UBA6: variants seen among roughly 807,000 people sequenced by gnomAD.
UBA6 encodes ubiquitin-like modifier-activating enzyme 6.
UBA6 carries 87 observed loss-of-function variants against 148.3 expected under a neutral mutation model. The observed-to-expected ratio is 0.59, with a 90% CI of 0.49 to 0.70. The LOEUF (loss-of-function observed/expected upper bound fraction) is 0.70. UBA6 is among the 30% of genes least tolerant of loss of function. The pLI, the probability that UBA6 is intolerant of heterozygous loss-of-function variation, is 0.00. For missense variants in UBA6, 1,186 were observed against 1,241.2 expected, an observed-to-expected ratio of 0.96 and a Z score of 0.67; for synonymous variants, 376 against 401.0, an observed-to-expected ratio of 0.94 and a Z score of 0.75.
intron 20 of UBA6, 63 bp from the exon 21 acceptor site, chr4:67,634,581 A>G (rs940390433): frequency 1.1e-5 from 14 of 1,248,086 alleles, no homozygotes; most frequent in Admixed American, 5.2e-5. Flanking sequence ...TTATTGATTT[A>G]ATCTAGTTTT....
At position 67,663,231 on chromosome 4, in the gene UBA6, A is replaced by G; in HGVS notation, c.961-16T>C. On this transcript the variant is annotated splice_polypyrimidine_tract_variant and intron_variant, in intron 11 of 32. Coordinates refer to ENST00000322244, the MANE Select transcript of UBA6 (RefSeq NM_018227.6). ...CTAAAGGTGCCTATTGAGAACATTAAAAATCGGCCAACATTTACTGAGTGG... is the reference window on the plus strand; with the variant it reads ...CTAAAGGTGCCTATTGAGAACATTAGAAATCGGCCAACATTTACTGAGTGG... 1.3e-6 allele frequency: 2 copies of G among 1,586,468 alleles called. No homozygotes were observed. The highest frequency in any genetic ancestry group is 1.7e-6 in the Non-Finnish European group (2 of 1,163,674).
At chr4:67,620,971 C>T (rs1194731282) in intron 32 of UBA6, among the ~76,000 whole-genome samples, 2 of 152,218 alleles carry the variant, frequency 1.3e-5, no homozygotes, top group East Asian at 1.9e-4. Context: ...TTAACAGGTA[C>T]TCAATAAATA....
intron 2 of UBA6, 125 bp downstream of exon 2, chr4:67,696,520 C>CAT (rs1730843371): frequency 1.8e-5 from 3 of 167,566 alleles, no homozygotes; most frequent in South Asian, 1.8e-4. Context: ...TATATACATA[C>CAT]ACACACACAC....
intron 6 of UBA6, among the ~76,000 whole-genome samples, chr4:67,677,149 GA>G (rs1433392505): frequency 6.6e-6 from 1 of 152,180 alleles, no homozygotes; most frequent in African/African-American, 2.4e-5. Flanking sequence ...AACAAAAACA[GA>G]AGCTTGAAAT....
chr4:67,677,505 T>G, intron 6 of UBA6, 106 bp downstream of exon 6: 1 of 507,504 alleles, frequency 2.0e-6, no homozygotes, highest in South Asian at 3.7e-5. Flanking sequence ...GAAATTTTTT[T>G]GTTCTGTTTC....
In UBA6 at chr4:67,619,102, T is replaced by C. The variant is rs1728694044; in HGVS notation, c.3054A>G (p.Glu1018=). 1.9e-6 allele frequency: 3 copies of C among 1,610,160 alleles called. No homozygotes were observed. Among genetic ancestry groups the C allele is most frequent in the Admixed American group, 1.7e-5 (1 of 59,894 alleles). Residue 1018 remains glutamate, a synonymous_variant, in exon 33 of 33, where the codon GAA becomes GAG. Coordinates refer to ENST00000322244, the MANE Select transcript of UBA6 (RefSeq NM_018227.6). ...ACACAGTAAGATCCACATATTTCTT[T>C]TCAGTAGTAGGTTTTACAAGTTTAT... The part of the protein sequence containing the change: ...TMHKLVKPTT[E]KKYVDLTVSF...
intron 10 of UBA6, 46 bp from the exon 11 acceptor site, chr4:67,663,993 A>T: frequency 6.8e-7 from 1 of 1,461,000 alleles, no homozygotes; most frequent in Non-Finnish European, 9.5e-7. Flanking sequence ...GTGAGTGATT[A>T]TTTGACAAAA....
chr4:67,645,165 C>A lies in UBA6; in HGVS notation c.1396-387G>T, dbSNP rs557003520. The stretch of plus-strand genomic sequence containing the variant: ...AAAAAGCTCAGTAACAGTTGATTTT[C>A]AAAACATTATTTTAAAGATGATTAA... On this transcript the variant is annotated intron_variant, in intron 16 of 32. Transcript: ENST00000322244. 2.9e-4 allele frequency among the ~76,000 whole-genome samples: 44 copies of A among 151,944 alleles called. No homozygotes were observed. In the South Asian group the frequency reaches 8.9e-3, roughly 31 times the overall value.
intron 2 of UBA6, among the ~76,000 whole-genome samples, chr4:67,682,734 G>A (rs72642389): frequency 6.6e-6 from 1 of 151,974 alleles, no homozygotes; most frequent in Admixed American, 6.6e-5. Context: ...AAAAATATAC[G>A]TTAGTAATTT....
At chr4:67,657,260 T>C (rs1729721264) in intron 13 of UBA6, among the ~76,000 whole-genome samples, 1 of 152,210 alleles carries the variant, frequency 6.6e-6, no homozygotes, top group Non-Finnish European at 1.5e-5. Flanking sequence ...GCTGGAAGCA[T>C]CATACTATCT....
chr4:67,669,711 A>G (rs1464594896), intron 8 of UBA6, among the ~76,000 whole-genome samples: 4 of 152,176 alleles, frequency 2.6e-5, no homozygotes, highest in African/African-American at 9.6e-5. Context: ...CACCTTCTAA[A>G]TAATGCTTTA....
intron 2 of UBA6, among the ~76,000 whole-genome samples, chr4:67,692,961 T>C (rs1281339130): frequency 6.6e-6 from 1 of 152,186 alleles, no homozygotes; most frequent in African/African-American, 2.4e-5. Context: ...TGGACCCTTC[T>C]ACAACAGGGG....
At chr4:67,667,200 A>C (rs1203985692) in intron 9 of UBA6, among the ~76,000 whole-genome samples, 1 of 142,784 alleles carries the variant, frequency 7.0e-6, no homozygotes, top group Admixed American at 7.0e-5. Flanking sequence ...AATTTTAATA[A>C]AAAACAGATA....
At chr4:67,634,604 T>C in intron 20 of UBA6, 86 bp from the exon 21 acceptor site, 1 of 913,938 alleles carries the variant, frequency 1.1e-6, no homozygotes, top group East Asian at 2.8e-5. Context: ...GCTTTAAGCC[T>C]ATTAAAAATC....
chr4:67,663,116 T>G, intron 12 of UBA6, 23 bp downstream of exon 12: 1 of 1,566,726 alleles, frequency 6.4e-7, no homozygotes, highest in Non-Finnish European at 8.7e-7. Flanking sequence ...GGAAAATACT[T>G]ATTTTTAAAC....
intron 13 of UBA6, among the ~76,000 whole-genome samples, chr4:67,655,836 G>T (rs1577813779): frequency 6.6e-6 from 1 of 151,924 alleles, no homozygotes; most frequent in Non-Finnish European, 1.5e-5. Context: ...AATAGATGCA[G>T]TAAAAAATGA....
chr4:67,622,372 T>C (rs894793926), intron 32 of UBA6, among the ~76,000 whole-genome samples: 2 of 152,174 alleles, frequency 1.3e-5, no homozygotes, highest in Non-Finnish European at 2.9e-5. Context: ...TCCATAATAC[T>C]TACTATCACC....
In UBA6 at chr4:67,694,899, T is replaced by C. The variant is rs558324891; in HGVS notation, c.134+1746A>G. ...GCAATAAGACACGCATACCAAGTGC[T>C]AACAGCTACACCAAAAGATACTCTC... is the stretch of plus-strand genomic sequence containing the variant. On this transcript the variant is annotated intron_variant, in intron 2 of 32. Coordinates refer to ENST00000322244, the MANE Select transcript of UBA6 (RefSeq NM_018227.6). Among the ~76,000 whole-genome samples the C allele has an allele frequency of 2.4e-3, 373 of 152,326 alleles. 6 individuals are homozygous for C. The highest frequency in any genetic ancestry group is 8.5e-3 in the African/African-American group (353 of 41,576).
intron 19 of UBA6, among the ~76,000 whole-genome samples, chr4:67,636,353 T>C (rs1729139139): frequency 6.6e-6 from 1 of 152,172 alleles, no homozygotes; most frequent in Non-Finnish European, 1.5e-5. Flanking sequence ...TCTGTTTTGA[T>C]AAAGAAATTT....
Sources: allele counts gnomAD v4.1 joint callset (sites outside exome capture counted in the v4.1 genomes callset), GRCh38; gene constraint gnomAD v4.1.1; transcripts MANE v1.5; gene names NCBI Gene and HGNC (gene_info 2026-07-23, HGNC 2026-07-21).